Variants in NEGR1 observed in about 807,000 individuals in gnomAD.
NEGR1 encodes IgLON family member 4.
A neutral mutation model predicts 40.9 loss-of-function variants in NEGR1; 10 were observed. The observed-to-expected ratio is 0.24, with a 90% CI of 0.15 to 0.42. The LOEUF is 0.42. Ranked by LOEUF, NEGR1 falls within the 10% of genes least tolerant of loss-of-function variation. NEGR1 has a pLI of 1.00. For synonymous variants in NEGR1, 185 were observed against 166.8 expected (o/e 1.11, Z -0.84); for missense variants, 352 against 438.9 (o/e 0.80, Z 1.77).
At chr1:72,040,618 A>T (rs1010030420) in intron 1 of NEGR1, among the ~76,000 whole-genome samples, 1 of 148,646 alleles carries the variant, frequency 6.7e-6, no homozygotes, top group African/African-American at 2.5e-5. Flanking sequence ...AAAATCAGAG[A>T]ATAAGTCCAT....
At chr1:72,016,089 C>CT (rs1474347205) in intron 1 of NEGR1, among the ~76,000 whole-genome samples, 4 of 152,080 alleles carry the variant, frequency 2.6e-5, no homozygotes, top group African/African-American at 9.7e-5. Context: ...TTTAAACACC[C>CT]TTTTTAACTT....
intron 1 of NEGR1, among the ~76,000 whole-genome samples, chr1:72,013,764 C>T (rs1646681832): frequency 6.6e-6 from 1 of 151,216 alleles, no homozygotes. Context: ...AGCTGACTGT[C>T]ATGTTCGTGA....
chr1:71,512,584 ATT>A (rs555856096), intron 6 of NEGR1, among the ~76,000 whole-genome samples: 5,860 of 141,736 alleles, frequency 0.041, 373 homozygotes, highest in African/African-American at 0.14. Flanking sequence ...ATACTAATCG[ATT>A]TTTTTTTTTT....
chr1:71,671,512 A>G (rs1652430554), intron 4 of NEGR1, among the ~76,000 whole-genome samples: 1 of 152,218 alleles, frequency 6.6e-6, no homozygotes, highest in Non-Finnish European at 1.5e-5. Flanking sequence ...TAACAGGAAT[A>G]AAATTGTAAA....
intron 2 of NEGR1, among the ~76,000 whole-genome samples, chr1:71,856,876 T>C (rs1659784671): frequency 6.6e-6 from 1 of 152,122 alleles, no homozygotes; most frequent in Non-Finnish European, 1.5e-5. Flanking sequence ...GTTCACATTA[T>C]CATGAGTTAA....
intron 6 of NEGR1, among the ~76,000 whole-genome samples, chr1:71,529,629 T>C (rs549520101): frequency 2.0e-5 from 3 of 151,300 alleles, no homozygotes; most frequent in African/African-American, 7.2e-5. Flanking sequence ...AAAAAGTAAA[T>C]AGAAATGATT....
intron 4 of NEGR1, among the ~76,000 whole-genome samples, chr1:71,689,407 A>AT (rs1653176434): frequency 6.6e-6 from 1 of 152,170 alleles, no homozygotes; most frequent in African/African-American, 2.4e-5. Flanking sequence ...TGAGACCTAG[A>AT]TTTAAGTCTT....
intron 6 of NEGR1, among the ~76,000 whole-genome samples, chr1:71,420,117 T>C (rs1646385000): frequency 6.6e-6 from 1 of 152,098 alleles, no homozygotes; most frequent in African/African-American, 2.4e-5. Flanking sequence ...AAAATAGCAT[T>C]CCCTGCATTA....
intron 1 of NEGR1, among the ~76,000 whole-genome samples, chr1:72,261,525 T>C (rs914769635): frequency 6.6e-6 from 1 of 152,150 alleles, no homozygotes; most frequent in Non-Finnish European, 1.5e-5. Context: ...TATTAAATAC[T>C]GAAAGGCCTT....
intron 6 of NEGR1, among the ~76,000 whole-genome samples, chr1:71,575,707 C>T (rs947049707): frequency 2.6e-5 from 4 of 152,006 alleles, no homozygotes; most frequent in Admixed American, 6.6e-5. Context: ...GGCATGAACC[C>T]GGGAGGCAGA....
chr1:72,279,508 T>C (rs895588752), intron 1 of NEGR1, among the ~76,000 whole-genome samples: 19 of 152,318 alleles, frequency 1.2e-4, no homozygotes, highest in Middle Eastern at 3.4e-3. Flanking sequence ...GCTTGATGAA[T>C]GATATGTAAT....
rs1646209524 is a variant in NEGR1, at chr1:71,396,062, AAC to A, written c.*11382_*11383del. ...TTTATGATAGATCCAGGCAACAGGAAACACACATGCACACACACACCGACACA... is the reference window on the plus strand; with the variant it reads ...TTTATGATAGATCCAGGCAACAGGAAACACATGCACACACACACCGACACA... On this transcript the variant is annotated 3_prime_UTR_variant, in exon 7 of 7. Transcript: ENST00000357731. 1 of 152,102 alleles carries A rather than the reference AAC, an allele frequency of 6.6e-6. No homozygotes were observed. Among genetic ancestry groups the A allele is most frequent in the Admixed American group, 6.6e-5 (1 of 15,260 alleles). The allele number at this position is 152,102 out of a possible 1,614,324, so 9.4% of individuals were successfully genotyped here. A position where few individuals can be genotyped will look rare whatever the true frequency, so the allele number is the denominator to read the frequency against.
chr1:71,872,570 A>G (rs367858649), intron 2 of NEGR1, among the ~76,000 whole-genome samples: 1 of 152,172 alleles, frequency 6.6e-6, no homozygotes, highest in Non-Finnish European at 1.5e-5. Flanking sequence ...TGCATCTCTC[A>G]GTGACCATCA....
At chr1:72,122,713 C>G (rs543011852) in intron 1 of NEGR1, among the ~76,000 whole-genome samples, 2 of 151,616 alleles carry the variant, frequency 1.3e-5, no homozygotes, top group African/African-American at 4.8e-5. Context: ...GTGGTTAACT[C>G]CCATGGTAGC....
At chr1:71,536,196 T>A (rs981657667) in intron 6 of NEGR1, among the ~76,000 whole-genome samples, 3 of 151,648 alleles carry the variant, frequency 2.0e-5, no homozygotes, top group Non-Finnish European at 4.4e-5. Flanking sequence ...AATTATAACA[T>A]GGTGAATATA....
intron 1 of NEGR1, among the ~76,000 whole-genome samples, chr1:71,974,411 C>T (rs1646284561): frequency 6.6e-6 from 1 of 152,046 alleles, no homozygotes; most frequent in African/African-American, 2.4e-5. Flanking sequence ...GTTTCTAAAT[C>T]ACATTATTAA....
chr1:71,627,271 A>T (rs1003080169), intron 4 of NEGR1, among the ~76,000 whole-genome samples: 1 of 152,236 alleles, frequency 6.6e-6, no homozygotes, highest in African/African-American at 2.4e-5. Flanking sequence ...GATAGACTGG[A>T]TTAAGAAAAT....
At chr1:72,116,094 T>C (rs1330957266) in intron 1 of NEGR1, among the ~76,000 whole-genome samples, 1 of 151,748 alleles carries the variant, frequency 6.6e-6, no homozygotes, top group Non-Finnish European at 1.5e-5. Flanking sequence ...ACTGTATTAT[T>C]ATCAGTGTGG....
chr1:72,230,021 G>C (rs1197321669), intron 1 of NEGR1, among the ~76,000 whole-genome samples: 1 of 152,056 alleles, frequency 6.6e-6, no homozygotes, highest in Non-Finnish European at 1.5e-5. Flanking sequence ...TTCTCTGATT[G>C]CACAGGATTT....
Sources: allele counts gnomAD v4.1 joint callset (sites outside exome capture counted in the v4.1 genomes callset), GRCh38; gene constraint gnomAD v4.1.1; transcripts MANE v1.5; gene names NCBI Gene and HGNC (gene_info 2026-07-23, HGNC 2026-07-21).